MACROD2: variants seen among roughly 807,000 people sequenced by gnomAD.
MACROD2 encodes the protein ADP-ribose glycohydrolase MACROD2.
Under a neutral mutation model 70.4 loss-of-function variants are expected in MACROD2, and 36 were observed. The observed-to-expected ratio is 0.51, with a 90% CI of 0.39 to 0.68. The LOEUF is 0.68. Ranked by LOEUF, MACROD2 falls within the 30% of genes least tolerant of loss-of-function variation. The probability of loss-of-function intolerance (pLI) is 0.00; values close to 1 mark genes in which losing one functional copy is unlikely to be tolerated. For missense variants in MACROD2, 496 were observed against 538.4 expected, an observed-to-expected ratio of 0.92 and a Z score of 0.78; for synonymous variants, 172 against 178.8, an observed-to-expected ratio of 0.96 and a Z score of 0.30.
intron 15 of MACROD2, among the ~76,000 whole-genome samples, chr20:16,002,820 C>T (rs927675119): frequency 2.0e-5 from 3 of 152,108 alleles, no homozygotes; most frequent in Non-Finnish European, 4.4e-5. Context: ...TTACCTCTAC[C>T]GCTACTCTAG....
chr20:14,747,395 G>A (rs895579781), intron 5 of MACROD2, among the ~76,000 whole-genome samples: 1 of 152,150 alleles, frequency 6.6e-6, no homozygotes, highest in Non-Finnish European at 1.5e-5. Flanking sequence ...TTTATAAGTT[G>A]TCAGGATGTA....
intron 8 of MACROD2, among the ~76,000 whole-genome samples, chr20:15,760,696 G>A (rs1049927805): frequency 6.6e-5 from 10 of 152,152 alleles, no homozygotes; most frequent in African/African-American, 2.2e-4. Context: ...TGCACACACC[G>A]ACATCTAGCA....
At chr20:14,367,600 T>A (rs758394561) in intron 3 of MACROD2, among the ~76,000 whole-genome samples, 3 of 152,216 alleles carry the variant, frequency 2.0e-5, no homozygotes, top group Non-Finnish European at 2.9e-5. Flanking sequence ...GTTATTTAAC[T>A]TCTTCTATGA....
intron 2 of MACROD2, among the ~76,000 whole-genome samples, chr20:14,058,452 AT>A (rs1178721100): frequency 1.4e-5 from 2 of 145,486 alleles, no homozygotes; most frequent in South Asian, 2.2e-4. Flanking sequence ...AAAAAAAAAA[AT>A]GAAACTTTTT....
intron 9 of MACROD2, among the ~76,000 whole-genome samples, chr20:15,876,566 A>G (rs1224280998): frequency 3.9e-5 from 6 of 152,094 alleles, no homozygotes; most frequent in East Asian, 1.9e-4. Flanking sequence ...TAGTGCCGCA[A>G]TAAACATATG....
At chr20:15,469,339 G>A (rs1225795467) in intron 7 of MACROD2, among the ~76,000 whole-genome samples, 1 of 152,208 alleles carries the variant, frequency 6.6e-6, no homozygotes, top group Admixed American at 6.5e-5. Context: ...AAAGAAGGTA[G>A]CACAGGTGAG....
chr20:14,518,692 G>A (rs1334303440), intron 4 of MACROD2, among the ~76,000 whole-genome samples: 1 of 152,158 alleles, frequency 6.6e-6, no homozygotes, highest in African/African-American at 2.4e-5. Flanking sequence ...AAAAAGTCAA[G>A]AAGGAAAGAG....
chr20:15,334,308 T>A (rs531346259), intron 6 of MACROD2, among the ~76,000 whole-genome samples: 3 of 128,748 alleles, frequency 2.3e-5, no homozygotes, highest in Non-Finnish European at 5.0e-5. Context: ...AGAGTTCCAT[T>A]GGCCAATAAG....
intron 5 of MACROD2, among the ~76,000 whole-genome samples, chr20:14,965,335 C>T (rs1010741809): frequency 1.3e-5 from 2 of 151,488 alleles, no homozygotes; most frequent in East Asian, 3.9e-4. Context: ...GGTAACTTAA[C>T]ACAATTCCAA....
At position 15,781,696 on chromosome 20, in the gene MACROD2, C is replaced by T. The variant is rs77963447; in HGVS notation, c.646-81049C>T. Among the ~76,000 whole-genome samples the T allele has an allele frequency of 2.9e-3, 440 of 152,220 alleles. 4 individuals carry two copies. Among genetic ancestry groups the T allele is most frequent in the African/African-American group, 0.01 (419 of 41,564 alleles). ...TGACCTAATCATCTTAATATGTACA[C>T]ATTGGCTAGTAATTTTCAACGTCTG... On this transcript the variant is annotated intron_variant, in intron 8 of 17. Coordinates refer to ENST00000684519, the MANE Select transcript of MACROD2 (RefSeq NM_001351661.2).
At chr20:15,173,710 A>C (rs1330027390) in intron 5 of MACROD2, among the ~76,000 whole-genome samples, 1 of 152,164 alleles carries the variant, frequency 6.6e-6, no homozygotes, top group East Asian at 1.9e-4. Flanking sequence ...CAGTCATTTC[A>C]GTGGGCCTCA....
intron 5 of MACROD2, among the ~76,000 whole-genome samples, chr20:14,883,142 T>A (rs759127495): frequency 8.5e-5 from 13 of 152,202 alleles, no homozygotes; most frequent in Non-Finnish European, 1.6e-4. Context: ...TTCTCTCTCA[T>A]GTCTTTGGGT....
At chr20:14,981,017 AAG>A (rs1340412669) in intron 5 of MACROD2, among the ~76,000 whole-genome samples, 1 of 145,214 alleles carries the variant, frequency 6.9e-6, no homozygotes, top group Non-Finnish European at 1.5e-5. Context: ...CCTTTACAAA[AAG>A]AAGTGTGTGT....
chr20:14,927,433 A>G (rs1256187624), intron 5 of MACROD2, among the ~76,000 whole-genome samples: 1 of 152,180 alleles, frequency 6.6e-6, no homozygotes, highest in African/African-American at 2.4e-5. Flanking sequence ...ATTGTCACTT[A>G]CGACATTAAA....
intron 6 of MACROD2, among the ~76,000 whole-genome samples, chr20:15,269,580 T>A (rs2077327958): frequency 6.6e-6 from 1 of 152,224 alleles, no homozygotes; most frequent in Non-Finnish European, 1.5e-5. Flanking sequence ...GAAAAGATTA[T>A]CATCTCTTCT....
At chr20:15,341,957 G>A (rs1050617626) in intron 6 of MACROD2, among the ~76,000 whole-genome samples, 1 of 152,046 alleles carries the variant, frequency 6.6e-6, no homozygotes, top group Non-Finnish European at 1.5e-5. Context: ...GGGAAGCTGA[G>A]GCAGGAGAAT....
intron 4 of MACROD2, among the ~76,000 whole-genome samples, chr20:14,576,478 A>G (rs998694665): frequency 6.6e-6 from 1 of 152,212 alleles, no homozygotes; most frequent in Non-Finnish European, 1.5e-5. Flanking sequence ...TTGAAAGTGT[A>G]ACTGCCACTT....
In MACROD2 at chr20:14,382,178, C is replaced by T. The variant is rs192117882; in HGVS notation, c.272-111301C>T. On this transcript the variant is annotated intron_variant, in intron 3 of 17. Transcript: ENST00000684519. ...CAGGGTTCACGCCATTCTTCTGCCT[C>T]AGACTCCCGAGTAGCTGGGACTGCA... is the stretch of plus-strand genomic sequence containing the variant. Among the ~76,000 whole-genome samples, 595 of 151,416 alleles carry T rather than the reference C, an allele frequency of 3.9e-3. 2 individuals are homozygous for T. Among genetic ancestry groups the T allele is most frequent in the Non-Finnish European group, 6.5e-3 (444 of 67,918 alleles).
chr20:15,805,651 T>C (rs996968372), intron 8 of MACROD2, among the ~76,000 whole-genome samples: 5 of 152,122 alleles, frequency 3.3e-5, no homozygotes, highest in African/African-American at 1.2e-4. Flanking sequence ...TAATTTTGTA[T>C]ATTTAGTAGA....
Sources: gnomAD v4.1 joint callset for allele counts (sites outside exome capture counted in the v4.1 genomes callset) on GRCh38, gnomAD v4.1.1 for gene constraint, MANE v1.5 for transcripts, NCBI Gene and HGNC (gene_info 2026-07-23, HGNC 2026-07-21) for gene names.